Variants in NYAP2 observed in about 807,000 individuals in gnomAD.
NYAP2 encodes the protein neuronal tyrosine-phosphorylated phosphoinositide-3-kinase adapter 2.
In NYAP2, 23 loss-of-function variants were observed where a neutral mutation model predicts 50.4. The observed-to-expected ratio is 0.46, with a 90% CI of 0.33 to 0.65. NYAP2 has a LOEUF of 0.65. Ranked by LOEUF, NYAP2 falls within the 30% of genes least tolerant of loss-of-function variation. The probability of loss-of-function intolerance (pLI) is 0.02; values close to 1 mark genes in which losing one functional copy is unlikely to be tolerated. For missense variants in NYAP2, 885 were observed against 861.0 expected, an observed-to-expected ratio of 1.03 and a Z score of -0.35; for synonymous variants, 394 against 365.2, an observed-to-expected ratio of 1.08 and a Z score of -0.90.
intron 3 of NYAP2, among the ~76,000 whole-genome samples, chr2:225,438,598 A>C (rs1403847021): frequency 6.6e-6 from 1 of 152,236 alleles, no homozygotes; most frequent in Non-Finnish European, 1.5e-5. Flanking sequence ...CAAATGAAAG[A>C]ATTAAGAATT....
At chr2:225,564,624 A>G (rs999271200) in intron 4 of NYAP2, among the ~76,000 whole-genome samples, 1 of 151,972 alleles carries the variant, frequency 6.6e-6, no homozygotes, top group African/African-American at 2.4e-5. Flanking sequence ...TTCAAGAATG[A>G]AGGTACACTG....
intron 3 of NYAP2, among the ~76,000 whole-genome samples, chr2:225,449,756 C>T (rs1021620678): frequency 5.9e-5 from 9 of 151,770 alleles, no homozygotes; most frequent in African/African-American, 2.2e-4. Flanking sequence ...TTATAGGTGC[C>T]TGCCACCACA....
intron 4 of NYAP2, among the ~76,000 whole-genome samples, chr2:225,567,975 T>C (rs1380693511): frequency 6.6e-6 from 1 of 152,170 alleles, no homozygotes; most frequent in Non-Finnish European, 1.5e-5. Context: ...CTTTCATACA[T>C]AGGAAGGATG....
At chr2:225,549,005 C>T (rs1310447726) in intron 4 of NYAP2, among the ~76,000 whole-genome samples, 1 of 152,020 alleles carries the variant, frequency 6.6e-6, no homozygotes, top group East Asian at 1.9e-4. Context: ...CTCAGCTCCC[C>T]AAGTAGCTGG....
intron 3 of NYAP2, among the ~76,000 whole-genome samples, chr2:225,425,158 C>G (rs1436530877): frequency 6.6e-6 from 1 of 152,134 alleles, no homozygotes; most frequent in Non-Finnish European, 1.5e-5. Context: ...ATGTAATCTC[C>G]CACCGTTGAG....
intron 4 of NYAP2, among the ~76,000 whole-genome samples, chr2:225,580,349 T>C (rs1692250477): frequency 6.6e-6 from 1 of 152,242 alleles, no homozygotes; most frequent in South Asian, 2.1e-4. Flanking sequence ...GGTACAATTA[T>C]TGGTTGCTTT....
At chr2:225,565,323 C>T (rs1432945795) in intron 4 of NYAP2, among the ~76,000 whole-genome samples, 1 of 151,884 alleles carries the variant, frequency 6.6e-6, no homozygotes, top group African/African-American at 2.4e-5. Context: ...CCCAAAAGTT[C>T]CAGTAACTAC....
chr2:225,563,576 T>G (rs1407050957), intron 4 of NYAP2, among the ~76,000 whole-genome samples: 1 of 152,112 alleles, frequency 6.6e-6, no homozygotes, highest in African/African-American at 2.4e-5. Flanking sequence ...GTTCGTGACA[T>G]GGTCACAGCT....
At chr2:225,472,876 G>A (rs1009898759) in intron 3 of NYAP2, among the ~76,000 whole-genome samples, 1 of 152,014 alleles carries the variant, frequency 6.6e-6, no homozygotes. Flanking sequence ...TGTTACATAT[G>A]TATACATGTG....
chr2:225,440,060 C>T (rs1286356746), intron 3 of NYAP2, among the ~76,000 whole-genome samples: 2 of 152,230 alleles, frequency 1.3e-5, no homozygotes, highest in Non-Finnish European at 2.9e-5. Flanking sequence ...GTGGGAACCA[C>T]ACCCATGATT....
At chr2:225,608,173 A>ACC (rs1692821815) in intron 5 of NYAP2, among the ~76,000 whole-genome samples, 1 of 152,182 alleles carries the variant, frequency 6.6e-6, no homozygotes, top group South Asian at 2.1e-4. Context: ...TGCAAACACT[A>ACC]GTTGTTTATA....
chr2:225,492,565 T>C (rs9288608), intron 3 of NYAP2, among the ~76,000 whole-genome samples: 28,802 of 152,190 alleles, frequency 0.19, 3,374 homozygotes, highest in African/African-American at 0.33. Context: ...TGTTCTTTCA[T>C]TGATAGAGAA....
intron 3 of NYAP2, among the ~76,000 whole-genome samples, chr2:225,470,888 C>T (rs937493819): frequency 6.6e-6 from 1 of 152,066 alleles, no homozygotes; most frequent in African/African-American, 2.4e-5. Context: ...TGAGCTCAAG[C>T]AGTCCTCCTA....
At chr2:225,598,721 A>G (rs1328825245) in intron 5 of NYAP2, among the ~76,000 whole-genome samples, 5 of 152,238 alleles carry the variant, frequency 3.3e-5, no homozygotes, top group Non-Finnish European at 7.3e-5. Context: ...TGTTTTTTAT[A>G]TGTGAAAGGC....
Position 225,499,872 on chromosome 2 carries a change from G to A in NYAP2, c.222-13499G>A, listed in dbSNP as rs78051105. Among the ~76,000 whole-genome samples the A allele has an allele frequency of 8.7e-3, 1,327 of 152,280 alleles. 13 individuals are homozygous for A. Among genetic ancestry groups the A allele is most frequent in the African/African-American group, 0.03 (1,260 of 41,544 alleles). On this transcript the variant is annotated intron_variant, in intron 3 of 6. Transcript: ENST00000636099. ...ATAGCAGAAGGGAAGGAGAAAGGGA[G>A]GGATAGAGAGAAACAGAGAAAGAAT...
chr2:225,591,352 G>A (rs919862259), intron 5 of NYAP2, among the ~76,000 whole-genome samples: 1 of 152,116 alleles, frequency 6.6e-6, no homozygotes, highest in African/African-American at 2.4e-5. Context: ...ATGCTAATGA[G>A]GAATAAGGTA....
At chr2:225,520,507 T>A (rs535686932) in intron 4 of NYAP2, among the ~76,000 whole-genome samples, 1 of 152,060 alleles carries the variant, frequency 6.6e-6, no homozygotes, top group African/African-American at 2.4e-5. Context: ...CCAGTTTTCC[T>A]GGCACCATTT....
chr2:225,452,647 A>T (rs76264800), intron 3 of NYAP2, among the ~76,000 whole-genome samples: 19,756 of 152,266 alleles, frequency 0.13, 2,421 homozygotes, highest in African/African-American at 0.32. Context: ...GATTCATTCT[A>T]AACTAAGCAA....
chr2:225,547,818 T>G (rs1348388948), intron 4 of NYAP2, among the ~76,000 whole-genome samples: 1 of 152,188 alleles, frequency 6.6e-6, no homozygotes, highest in Non-Finnish European at 1.5e-5. Context: ...GGTGCTATTT[T>G]GTGTGTAGAC....
Sources: gnomAD v4.1 joint callset for allele counts (sites outside exome capture counted in the v4.1 genomes callset) on GRCh38, gnomAD v4.1.1 for gene constraint, MANE v1.5 for transcripts, NCBI Gene and HGNC (gene_info 2026-07-23, HGNC 2026-07-21) for gene names.